Variants in ARID4B observed in about 807,000 individuals in gnomAD.
ARID4B encodes AT-rich interactive domain-containing protein 4B.
ARID4B carries 26 observed loss-of-function variants against 147.5 expected under a neutral mutation model. The ratio of observed to expected loss-of-function variants is 0.18; its 90% confidence interval spans 0.13 to 0.24. The LOEUF (loss-of-function observed/expected upper bound fraction) is 0.24. ARID4B is among the 10% of genes least tolerant of loss of function. The probability of loss-of-function intolerance (pLI) is 1.00; values close to 1 mark genes in which losing one functional copy is unlikely to be tolerated. For missense variants in ARID4B, 1,179 were observed against 1,511.5 expected (o/e 0.78, Z 3.65); for synonymous variants, 512 against 507.9 (o/e 1.01, Z -0.11).
chr1:235,295,693 C>T (rs1475563460), intron 2 of ARID4B, among the ~76,000 whole-genome samples: 1 of 151,692 alleles, frequency 6.6e-6, no homozygotes, highest in East Asian at 1.9e-4. Flanking sequence ...GCCTATAATC[C>T]CAGCTACTCG....
intron 2 of ARID4B, among the ~76,000 whole-genome samples, chr1:235,323,370 T>C (rs1453130418): frequency 6.6e-6 from 1 of 151,996 alleles, no homozygotes; most frequent in Non-Finnish European, 1.5e-5. Context: ...ATTCCTCCTC[T>C]AAAGATTCTG....
chr1:235,305,788 G>C (rs1425464520), intron 2 of ARID4B, among the ~76,000 whole-genome samples: 1 of 152,056 alleles, frequency 6.6e-6, no homozygotes, highest in Non-Finnish European at 1.5e-5. Context: ...GTGAGACCCT[G>C]TCTCTATGAA....
At chr1:235,273,946 G>T (rs891345032) in intron 2 of ARID4B, among the ~76,000 whole-genome samples, 2 of 152,174 alleles carry the variant, frequency 1.3e-5, no homozygotes, top group Non-Finnish European at 2.9e-5. Context: ...CATCTCCGTT[G>T]TTTTATAATC....
At chr1:235,184,355 T>C (rs1664526594) in intron 19 of ARID4B, among the ~76,000 whole-genome samples, 1 of 151,906 alleles carries the variant, frequency 6.6e-6, no homozygotes, top group South Asian at 2.1e-4. Flanking sequence ...AGATACATGT[T>C]ATCAGCCCCA....
chr1:235,237,925 C>G (rs1255239111), intron 8 of ARID4B, among the ~76,000 whole-genome samples: 2 of 151,944 alleles, frequency 1.3e-5, no homozygotes, highest in African/African-American at 4.8e-5. Context: ...CTGAGGCGGG[C>G]AGATCACCTG....
At chr1:235,321,096 A>T (rs1459518601) in intron 2 of ARID4B, among the ~76,000 whole-genome samples, 1 of 152,240 alleles carries the variant, frequency 6.6e-6, no homozygotes, top group Non-Finnish European at 1.5e-5. Context: ...CGGTACAAGG[A>T]AAGTACACAA....
intron 20 of ARID4B, among the ~76,000 whole-genome samples, chr1:235,179,831 G>A (rs548828327): frequency 6.6e-6 from 1 of 151,898 alleles, no homozygotes; most frequent in African/African-American, 2.4e-5. Flanking sequence ...AGCACTTTGG[G>A]AGGCCAAGGC....
chr1:235,298,987 C>T (rs917536905), intron 2 of ARID4B, among the ~76,000 whole-genome samples: 1 of 151,808 alleles, frequency 6.6e-6, no homozygotes, highest in African/African-American at 2.4e-5. Flanking sequence ...TGGCATACAC[C>T]TGTAATCCTC....
At chr1:235,308,705 A>C (rs1415036902) in intron 2 of ARID4B, among the ~76,000 whole-genome samples, 1 of 152,110 alleles carries the variant, frequency 6.6e-6, no homozygotes, top group Non-Finnish European at 1.5e-5. Context: ...TCCAGCTCCT[A>C]ACCGCGAGTG....
chr1:235,195,933 T>C lies in ARID4B; in HGVS notation c.1926+98A>G, dbSNP rs1665461729. Reference sequence around the variant, plus strand: ...AATCTAGCATTTGAAAAATGTGCTATTTCAATAAAGTGTAACACTAACACA... The same window carrying C: ...AATCTAGCATTTGAAAAATGTGCTACTTCAATAAAGTGTAACACTAACACA... On this transcript the variant is annotated intron_variant, in intron 18 of 23. Coordinates refer to ENST00000264183, the MANE Select transcript of ARID4B (RefSeq NM_016374.6). The C allele has an allele frequency of 5.4e-6, 4 of 735,722 alleles. No individual in the cohort carries two copies. In the Middle Eastern group the frequency reaches 1.0e-3, roughly 186 times the overall value. 45.6% of individuals were successfully genotyped at this position (735,722 alleles called of 1,614,324 possible).
chr1:235,184,818 T>C (rs1018105062), intron 19 of ARID4B, among the ~76,000 whole-genome samples: 8 of 152,194 alleles, frequency 5.3e-5, no homozygotes, highest in Non-Finnish European at 1.0e-4. Context: ...ATTTGTTTTA[T>C]TTATTTTTTT....
At chr1:235,287,869 C>G (rs1426732164) in intron 2 of ARID4B, among the ~76,000 whole-genome samples, 1 of 152,252 alleles carries the variant, frequency 6.6e-6, no homozygotes, top group African/African-American at 2.4e-5. Context: ...GACATAACTA[C>G]TGTCTCCTTA....
intron 17 of ARID4B, among the ~76,000 whole-genome samples, chr1:235,212,006 C>T (rs1401873955): frequency 6.6e-6 from 1 of 152,066 alleles, no homozygotes; most frequent in African/African-American, 2.4e-5. Flanking sequence ...ACCCGTAATC[C>T]CAGCACTTTG....
chr1:235,224,877 T>C (rs1667724058), intron 11 of ARID4B, 102 bp from the exon 12 acceptor site: 1 of 755,326 alleles, frequency 1.3e-6, no homozygotes, highest in Non-Finnish European at 2.2e-6. Context: ...ATTAAAATAC[T>C]TCAAAGGCTT....
At position 235,299,012 on chromosome 1, in the gene ARID4B, G is replaced by A. The variant is rs559639225; in HGVS notation, c.6+27902C>T. On this transcript the variant is annotated intron_variant, in intron 2 of 23. Coordinates refer to ENST00000264183, the MANE Select transcript of ARID4B (RefSeq NM_016374.6). ...CTGTAATCCTCCTGTAAAGCTACTC[G>A]GGAGGCAGAGGCAAGAGGATGGCTT... Among the ~76,000 whole-genome samples the A allele has an allele frequency of 9.2e-5, 14 of 152,184 alleles. 1 individual carries two copies. The highest frequency in any genetic ancestry group is 3.9e-4 in the East Asian group (2 of 5,182).
chr1:235,261,006 A>G (rs1670258817), intron 2 of ARID4B, among the ~76,000 whole-genome samples: 1 of 152,214 alleles, frequency 6.6e-6, no homozygotes, highest in South Asian at 2.1e-4. Flanking sequence ...CATGATATGA[A>G]TTAGCTCACT....
intron 2 of ARID4B, among the ~76,000 whole-genome samples, chr1:235,268,854 G>GA (rs1486223910): frequency 6.6e-6 from 1 of 152,164 alleles, no homozygotes; most frequent in Admixed American, 6.5e-5. Flanking sequence ...GTTGGACAGA[G>GA]AAAAGCACAA....
chr1:235,253,032 A>C (rs1158559965), intron 5 of ARID4B, among the ~76,000 whole-genome samples: 1 of 152,230 alleles, frequency 6.6e-6, no homozygotes, highest in Non-Finnish European at 1.5e-5. Context: ...TGAAATGAAA[A>C]CATCTTGTAT....
At chr1:235,316,999 A>T (rs1216859884) in intron 2 of ARID4B, among the ~76,000 whole-genome samples, 2 of 152,232 alleles carry the variant, frequency 1.3e-5, no homozygotes, top group Admixed American at 6.5e-5. Context: ...TATAAATGCA[A>T]ATATTCCAAA....
Sources: gnomAD v4.1 joint callset for allele counts (sites outside exome capture counted in the v4.1 genomes callset) on GRCh38, gnomAD v4.1.1 for gene constraint, MANE v1.5 for transcripts, NCBI Gene and HGNC (gene_info 2026-07-23, HGNC 2026-07-21) for gene names.